SPINK5: variants seen among roughly 807,000 people sequenced by gnomAD.
SPINK5 encodes serine protease inhibitor Kazal-type 5.
In SPINK5, 125 loss-of-function variants were observed where a neutral mutation model predicts 151.8. That is an observed-to-expected ratio of 0.82 (90% CI 0.71 to 0.96). The LOEUF is 0.96. SPINK5 is among the 40% of genes least tolerant of loss of function. The probability of loss-of-function intolerance (pLI) is 0.00; values close to 1 mark genes in which losing one functional copy is unlikely to be tolerated. For synonymous variants in SPINK5, 374 were observed against 395.3 expected, an observed-to-expected ratio of 0.95 and a Z score of 0.64; for missense variants, 1,194 against 1,291.9, an observed-to-expected ratio of 0.92 and a Z score of 1.16.
Position 148,137,139 on chromosome 5 carries a change from A to AT in SPINK5, c.*152dup, listed in dbSNP as rs1320240921. 1 of 1,038,744 alleles carries AT rather than the reference A, an allele frequency of 9.6e-7. No individual in the cohort carries two copies. Among genetic ancestry groups the AT allele is most frequent in the African/African-American group, 1.6e-5 (1 of 62,786 alleles). 64.3% of individuals were successfully genotyped at this position (1,038,744 alleles called of 1,614,324 possible). On this transcript the variant is annotated 3_prime_UTR_variant, in exon 33 of 33. Coordinates refer to ENST00000256084, the MANE Select transcript of SPINK5 (RefSeq NM_006846.4). ...AGAGCTTTTGGGAATGGACTCACTG[A>AT]TTTTCAGTCTTTTCCATCTCTTTCC...
intron 15 of SPINK5, 54 bp downstream of exon 15, chr5:148,101,962 A>T: frequency 2.5e-6 from 4 of 1,611,140 alleles, no homozygotes; most frequent in Non-Finnish European, 3.4e-6. Context: ...GGGAATTTCC[A>T]TGGGAAGTTT....
chr5:148,095,092 T>C (rs1753420256), intron 9 of SPINK5, among the ~76,000 whole-genome samples: 1 of 151,964 alleles, frequency 6.6e-6, no homozygotes, highest in South Asian at 2.1e-4. Context: ...TCCCCTCCTC[T>C]TGTAGATTAC....
intron 1 of SPINK5, among the ~76,000 whole-genome samples, chr5:148,065,077 T>C (rs1344450829): frequency 3.3e-5 from 5 of 152,110 alleles, no homozygotes; most frequent in African/African-American, 9.7e-5. Flanking sequence ...ATAAGCTATT[T>C]TGATGGGGTT....
In SPINK5 at chr5:148,119,074, G is replaced by T. The variant is rs1425359022; in HGVS notation, c.2313+16G>T. The T allele has an allele frequency of 1.9e-6, 3 of 1,613,380 alleles. No homozygotes were observed. Among genetic ancestry groups the T allele is most frequent in the Admixed American group, 3.3e-5 (2 of 60,004 alleles). On this transcript the variant is annotated intron_variant, in intron 24 of 32. Coordinates refer to ENST00000256084, the MANE Select transcript of SPINK5 (RefSeq NM_006846.4). ...ATCAGGGAAGGTGAGTTATTTTTTG[G>T]GTTTTGGCAAGAATCGTCTTTCTGT...
chr5:148,070,585 T>G (rs1752711996), intron 3 of SPINK5, 135 bp downstream of exon 3: 1 of 1,096,866 alleles, frequency 9.1e-7, no homozygotes, highest in Admixed American at 2.3e-5. Flanking sequence ...AGCAGATCAC[T>G]CTGACATTTC....
intron 26 of SPINK5, among the ~76,000 whole-genome samples, chr5:148,123,441 C>CTT (rs1754334158): frequency 1.5e-5 from 1 of 65,374 alleles, no homozygotes; most frequent in African/African-American, 4.0e-5. Context: ...TATTATCTAT[C>CTT]TATCTATATA....
intron 32 of SPINK5, among the ~76,000 whole-genome samples, chr5:148,135,506 T>C (rs1754676041): frequency 6.6e-6 from 1 of 152,216 alleles, no homozygotes; most frequent in Admixed American, 6.5e-5. Flanking sequence ...CGTTCTTCCA[T>C]TTCTGAGTGT....
rs1279572211 is a variant in SPINK5, at chr5:148,137,017, G to A, written c.*26G>A. On this transcript the variant is annotated 3_prime_UTR_variant, in exon 33 of 33. Transcript: ENST00000256084. ...CAGGAAGATTGTTGAAAGCCATGAG[G>A]GAAAAAATAAACCCCAGTTCTGAAT... The A allele has an allele frequency of 6.2e-7, 1 of 1,613,452 alleles. No individual in the cohort carries two copies.
At chr5:148,073,084 T>C (rs1310061204) in intron 4 of SPINK5, among the ~76,000 whole-genome samples, 1 of 151,878 alleles carries the variant, frequency 6.6e-6, no homozygotes, top group Non-Finnish European at 1.5e-5. Flanking sequence ...ATCTCACAAA[T>C]GGGTTACTGA....
Position 148,095,915 on chromosome 5 carries a change from A to G in SPINK5, c.882+10A>G. 6.2e-7 allele frequency: 1 copy of G among 1,603,830 alleles called. No individual in the cohort carries two copies. The highest frequency in any genetic ancestry group is 8.5e-7 in the Non-Finnish European group (1 of 1,172,662). ...TAAAAGAGAAATTGTGGTGAGAATC[A>G]GTTTGATCAATCTAGTTACAACTTG... On this transcript the variant is annotated intron_variant, in intron 10 of 32. Transcript: ENST00000256084.
At position 148,113,682 on chromosome 5, in the gene SPINK5, C is replaced by A. The variant is rs186142745; in HGVS notation, c.1888-680C>A. On this transcript the variant is annotated intron_variant, in intron 20 of 32. Transcript: ENST00000256084. ...AAAAATAACCTCTAAAGAAGTATCG[C>A]CCTGGAACTCTGTATGTTTGGCTTG... Among the ~76,000 whole-genome samples, 46 of 152,266 alleles carry A rather than the reference C, an allele frequency of 3.0e-4. 1 individual carries two copies. The highest frequency in any genetic ancestry group is 1.4e-3 in the Admixed American group (21 of 15,272).
Position 148,133,821 on chromosome 5 carries a change from C to T in SPINK5, c.3120C>T (p.Ile1040=), listed in dbSNP as rs775943796. The T allele has an allele frequency of 6.2e-7, 1 of 1,614,038 alleles. No homozygotes were observed. The highest frequency in any genetic ancestry group is 8.5e-7 in the Non-Finnish European group (1 of 1,179,964). The change falls in exon 32 of 33, where the codon ATC becomes ATT. Residue 1040 remains isoleucine (I), a synonymous_variant. Coordinates refer to ENST00000256084, the MANE Select transcript of SPINK5 (RefSeq NM_006846.4). The stretch of plus-strand genomic sequence containing the variant: ...GGATACGCCAAACAAATACACACAT[C>T]CGCAGTACAGGGAAGTGTGAGGAGA... ...ENLIRQTNTH[I]RSTGKCEESS...
Position 148,114,453 on chromosome 5 carries a change from C to A in SPINK5, c.1979C>A (p.Thr660Asn). Residue 660 changes from threonine to asparagine, a missense_variant, in exon 21 of 33, where the codon ACC becomes AAC. Transcript: ENST00000256084. ...NDPVRGPDGK[T>N]HGNKCAMCKA... ...CCTGTGCGTGGCCCAGATGGCAAGA[C>A]CCATGGCAACAAGTGTGCCATGTGT... The A allele has an allele frequency of 6.2e-7, 1 of 1,613,630 alleles. No individual in the cohort carries two copies.
intron 26 of SPINK5, 113 bp from the exon 27 acceptor site, chr5:148,123,720 C>A: frequency 6.8e-7 from 1 of 1,460,856 alleles, no homozygotes; most frequent in Non-Finnish European, 9.4e-7. Flanking sequence ...TCTGAAATTT[C>A]ACTTCTCTGT....
rs112195251 is a variant in SPINK5, at chr5:148,133,589, T to C, written c.3096-208T>C. On this transcript the variant is annotated intron_variant, in intron 31 of 32. Transcript: ENST00000256084. ...AGTGAATGAAATGTGACAGGATAGG[T>C]CCAGGGCTAGGGGATGAATCTGGAG... Among the ~76,000 whole-genome samples, 359 of 152,226 alleles carry C rather than the reference T, an allele frequency of 2.4e-3. 4 individuals carry two copies. The highest frequency in any genetic ancestry group is 7.7e-3 in the African/African-American group (318 of 41,530).
intron 7 of SPINK5, 191 bp from the exon 8 acceptor site, chr5:148,090,972 GCC>G: frequency 1.7e-6 from 1 of 588,182 alleles, no homozygotes; most frequent in East Asian, 2.8e-5. Flanking sequence ...ATAAGCTATT[GCC>G]GTCTTTCTTT....
intron 20 of SPINK5, among the ~76,000 whole-genome samples, chr5:148,113,734 T>C (rs889826514): frequency 2.0e-5 from 2 of 99,890 alleles, no homozygotes; most frequent in Non-Finnish European, 3.8e-5. Flanking sequence ...ACAGTTGTAA[T>C]AATTCTAAAT....
intron 15 of SPINK5, among the ~76,000 whole-genome samples, chr5:148,102,198 T>A (rs1753666129): frequency 6.6e-6 from 1 of 152,060 alleles, no homozygotes; most frequent in Admixed American, 6.6e-5. Flanking sequence ...GAGAGTAGGA[T>A]GGTGCTTACA....
In SPINK5 at chr5:148,066,756, G is replaced by T. The variant is rs141916873; in HGVS notation, c.81+1384G>T. 1.4e-3 allele frequency among the ~76,000 whole-genome samples: 218 copies of T among 152,166 alleles called. 1 individual carries two copies. The highest frequency in any genetic ancestry group is 5.1e-3 in the African/African-American group (210 of 41,516). ...ACCATCATTTTCTTTTTCAGAGTCC[G>T]TGATGATGGTTGGTGATTTATGGCA... is the stretch of plus-strand genomic sequence containing the variant. On this transcript the variant is annotated intron_variant, in intron 2 of 32. Coordinates refer to ENST00000256084, the MANE Select transcript of SPINK5 (RefSeq NM_006846.4).
Sources: allele counts gnomAD v4.1 joint callset (sites outside exome capture counted in the v4.1 genomes callset), GRCh38; gene constraint gnomAD v4.1.1; transcripts MANE v1.5; gene names NCBI Gene and HGNC (gene_info 2026-07-23, HGNC 2026-07-21).